Variants in SRRM3 observed in about 807,000 individuals in gnomAD.
SRRM3 encodes the protein serine/arginine repetitive matrix 3.
A neutral mutation model predicts 66.2 loss-of-function variants in SRRM3; 27 were observed. That is an observed-to-expected ratio of 0.41 (90% CI 0.30 to 0.56). The LOEUF (loss-of-function observed/expected upper bound fraction) is 0.56. Ranked by LOEUF, SRRM3 falls within the 20% of genes least tolerant of loss-of-function variation. The pLI is 0.32. For synonymous variants in SRRM3, 391 were observed against 414.9 expected, an observed-to-expected ratio of 0.94 and a Z score of 0.70; for missense variants, 918 against 991.9, an observed-to-expected ratio of 0.93 and a Z score of 1.00.
intron 1 of SRRM3, among the ~76,000 whole-genome samples, chr7:76,211,813 C>CTATTAT (rs1212856762): frequency 7.3e-6 from 1 of 137,408 alleles, no homozygotes; most frequent in African/African-American, 2.9e-5. Flanking sequence ...ATTACTATTA[C>CTATTAT]TACTATTATT....
intron 8 of SRRM3, among the ~76,000 whole-genome samples, chr7:76,264,392 C>T (rs373892766): frequency 0.013 from 2,037 of 151,742 alleles, 47 homozygotes; most frequent in African/African-American, 0.047. Context: ...TCTCAAACTC[C>T]TGACTTCAAG....
chr7:76,254,188 G>GTT (rs1257203359), intron 3 of SRRM3, among the ~76,000 whole-genome samples: 1 of 143,694 alleles, frequency 7.0e-6, no homozygotes, highest in Non-Finnish European at 1.5e-5. Flanking sequence ...TGTTTTTTGG[G>GTT]TTTTTTTTTT....
At chr7:76,230,323 T>A (rs1554604126) in intron 1 of SRRM3, among the ~76,000 whole-genome samples, 2 of 152,048 alleles carry the variant, frequency 1.3e-5, no homozygotes, top group Non-Finnish European at 2.9e-5. Flanking sequence ...AAATGGGATA[T>A]TAGCACCCAC....
chr7:76,275,308 G>T (rs1554610964), intron 11 of SRRM3, among the ~76,000 whole-genome samples: 1 of 151,652 alleles, frequency 6.6e-6, no homozygotes, highest in African/African-American at 2.4e-5. Flanking sequence ...CAGGAGGGCA[G>T]ACAGCAAGTG....
chr7:76,284,801 A>G (rs782450846), intron 14 of SRRM3, among the ~76,000 whole-genome samples: 17 of 152,170 alleles, frequency 1.1e-4, no homozygotes, highest in Non-Finnish European at 1.9e-4. Context: ...TCTGGGTCAT[A>G]GCCTCCTGGC....
intron 1 of SRRM3, among the ~76,000 whole-genome samples, chr7:76,234,687 G>A (rs976666460): frequency 5.9e-5 from 9 of 152,244 alleles, no homozygotes; most frequent in Admixed American, 3.9e-4. Flanking sequence ...GCAAGCGGGC[G>A]CTGGGATGTC....
chr7:76,226,343 C>G (rs1201600669), intron 1 of SRRM3, among the ~76,000 whole-genome samples: 1 of 152,204 alleles, frequency 6.6e-6, no homozygotes, highest in Non-Finnish European at 1.5e-5. Flanking sequence ...AGGCTTTTAA[C>G]CACTTCCTGG....
chr7:76,210,723 C>T (rs1800411691), intron 1 of SRRM3, among the ~76,000 whole-genome samples: 1 of 152,084 alleles, frequency 6.6e-6, no homozygotes, highest in South Asian at 2.1e-4. Context: ...AGCCCCTGCA[C>T]TCCAGCCTGG....
chr7:76,277,343 C>G (rs75385794), intron 11 of SRRM3, among the ~76,000 whole-genome samples: 1,524 of 152,270 alleles, frequency 0.01, 11 homozygotes, highest in Middle Eastern at 0.027. Context: ...GTGGGAAGGA[C>G]CCATCACGGC....
intron 11 of SRRM3, chr7:76,269,603 T>A (rs1162002688): frequency 2.0e-5 from 3 of 152,130 alleles, no homozygotes; most frequent in Admixed American, 6.5e-5. Context: ...GCTCAACATT[T>A]TTTAACCCCG....
At chr7:76,211,641 G>T (rs899818154) in intron 1 of SRRM3, among the ~76,000 whole-genome samples, 1 of 151,880 alleles carries the variant, frequency 6.6e-6, no homozygotes, top group Admixed American at 6.6e-5. Flanking sequence ...TCCTCTCTGC[G>T]GCTCAGCCCA....
At chr7:76,224,992 C>T (rs1053095708) in intron 1 of SRRM3, among the ~76,000 whole-genome samples, 1 of 152,144 alleles carries the variant, frequency 6.6e-6, no homozygotes, top group African/African-American at 2.4e-5. Context: ...GTAATGGGAC[C>T]AGCCCACCTT....
chr7:76,252,880 C>T (rs1801613130), intron 3 of SRRM3, among the ~76,000 whole-genome samples: 1 of 152,040 alleles, frequency 6.6e-6, no homozygotes, highest in African/African-American at 2.4e-5. Flanking sequence ...TATTAAAGAA[C>T]AGGCCAGGCG....
intron 10 of SRRM3, among the ~76,000 whole-genome samples, 196 bp from the exon 11 acceptor site, chr7:76,267,062 G>C (rs1449039369): frequency 1.3e-5 from 2 of 152,140 alleles, no homozygotes; most frequent in African/African-American, 4.8e-5. Context: ...CGCCTGAATT[G>C]GAAATCGAGG....
chr7:76,250,021 CTTTA>C (rs71082399), intron 3 of SRRM3, among the ~76,000 whole-genome samples: 147 of 151,618 alleles, frequency 9.7e-4, no homozygotes, highest in Non-Finnish European at 1.6e-3. Context: ...TTGCAATCAT[CTTTA>C]TTTATTTATT....
rs1353962511 is a variant in SRRM3, at chr7:76,260,026, C to T, written c.456C>T (p.Arg152=). The part of the protein sequence containing the change: ...DCPASCYRGH[R]GYRTKHWSSS... ...CGGCCTCCTGCTACCGCGGCCACCG[C>T]GGGTACAGGTCAGCGGCCGCCGCGG... Residue 152 remains arginine, a synonymous_variant, in exon 4 of 15, where the codon CGC becomes CGT. Coordinates refer to ENST00000611745, the MANE Select transcript of SRRM3 (RefSeq NM_001110199.3). 1 of 1,562,876 alleles carries T rather than the reference C, an allele frequency of 6.4e-7. No individual in the cohort carries two copies. The highest frequency in any genetic ancestry group is 1.9e-5 in the Admixed American group (1 of 53,504).
At chr7:76,235,461 C>G (rs1801121636) in intron 2 of SRRM3, among the ~76,000 whole-genome samples, 162 bp downstream of exon 2, 1 of 152,138 alleles carries the variant, frequency 6.6e-6, no homozygotes, top group Non-Finnish European at 1.5e-5. Context: ...AACCCAAGAG[C>G]CTTGTCCAGA....
chr7:76,236,050 C>CA (rs1321956482), intron 2 of SRRM3, among the ~76,000 whole-genome samples: 1 of 139,366 alleles, frequency 7.2e-6, no homozygotes, highest in Middle Eastern at 3.8e-3. Flanking sequence ...CGGTGGCTCA[C>CA]GCCTGTAATC....
Position 76,215,626 on chromosome 7 carries a change from T to G in SRRM3, c.-40+13559T>G, listed in dbSNP as rs1383955701. Among the ~76,000 whole-genome samples the G allele has an allele frequency of 1.7e-4, 16 of 92,810 alleles. No homozygotes were observed. In the Middle Eastern group the frequency reaches 0.016, roughly 93 times the overall value. The allele number at this position is 92,810 out of a possible 152,430, so 60.9% of individuals were successfully genotyped here. On this transcript the variant is annotated intron_variant, in intron 1 of 14. Coordinates refer to ENST00000611745, the MANE Select transcript of SRRM3 (RefSeq NM_001110199.3). ...GGTCTTGCTATGTTGCCCAGTCTGGTTTTTTTTTTTTTTTTTTTGAGACAG... is the reference window on the plus strand; with the variant it reads ...GGTCTTGCTATGTTGCCCAGTCTGGGTTTTTTTTTTTTTTTTTTGAGACAG...
Sources: allele counts gnomAD v4.1 joint callset (sites outside exome capture counted in the v4.1 genomes callset), GRCh38; gene constraint gnomAD v4.1.1; transcripts MANE v1.5; gene names NCBI Gene and HGNC (gene_info 2026-07-23, HGNC 2026-07-21).